The following TET3 variants were observed in gnomAD, a reference collection of about 807,000 sequenced individuals.
TET3 encodes methylcytosine dioxygenase TET3.
Under a neutral mutation model 141.4 loss-of-function variants are expected in TET3, and 19 were observed. The observed-to-expected ratio is 0.13, with a 90% CI of 0.09 to 0.20. The LOEUF is 0.20. TET3 is among the 10% of genes least tolerant of loss of function. The probability of loss-of-function intolerance (pLI) is 1.00; values close to 1 mark genes in which losing one functional copy is unlikely to be tolerated. For synonymous variants in TET3, 1,043 were observed against 980.9 expected, an observed-to-expected ratio of 1.06 and a Z score of -1.18; for missense variants, 1,874 against 2,356.9, an observed-to-expected ratio of 0.80 and a Z score of 4.24.
chr2:74,110,987 T>C (rs572870477), downstream of TET3, among the ~76,000 whole-genome samples: 1 of 152,252 alleles, frequency 6.6e-6, no homozygotes, highest in African/African-American at 2.4e-5. Flanking sequence ...ACCTCCTAGC[T>C]TGAAGGTCCA....
chr2:74,011,776 T>C (rs1685447819), intron 3 of TET3, among the ~76,000 whole-genome samples: 1 of 151,844 alleles, frequency 6.6e-6, no homozygotes, highest in African/African-American at 2.4e-5. Context: ...TGGTGGCTCA[T>C]GCCATAATCC....
intron 3 of TET3, among the ~76,000 whole-genome samples, chr2:74,041,254 A>C (rs1687323754): frequency 6.6e-6 from 1 of 152,194 alleles, no homozygotes; most frequent in Non-Finnish European, 1.5e-5. Context: ...AAGGCCACTC[A>C]AAACAAGTCT....
chr2:74,100,456 A>G lies in TET3; in HGVS notation c.3668A>G (p.Gln1223Arg), dbSNP rs773724099. 1.3e-6 allele frequency: 2 copies of G among 1,586,062 alleles called. No homozygotes were observed. Among genetic ancestry groups the G allele is most frequent in the East Asian group, 4.6e-5 (2 of 43,154 alleles). ...GLKPSLKVEP[Q>R]NHFSSFKYSG... is the part of the protein sequence containing the mutation. ...AAGCCCTCCCTCAAGGTGGAGCCGC[A>G]GAACCACTTCAGCTCCTTCAAGTAC... The change falls in exon 12 of 12, where the codon CAG becomes CGG. Residue 1223 changes from glutamine (Q) to arginine (R), a missense_variant. This residue lies in a region of TET3 where 602 missense variants were observed against 590.2 expected (regional missense o/e 1.02). Transcript: ENST00000409262.
At chr2:74,008,066 C>T (rs530505581) in intron 3 of TET3, among the ~76,000 whole-genome samples, 5 of 152,240 alleles carry the variant, frequency 3.3e-5, no homozygotes, top group Non-Finnish European at 5.9e-5. Context: ...AAGCAGTTTA[C>T]GGGCCATATC....
intron 3 of TET3, among the ~76,000 whole-genome samples, chr2:74,034,937 A>G (rs1686952157): frequency 6.6e-6 from 1 of 151,344 alleles, no homozygotes; most frequent in Non-Finnish European, 1.5e-5. Context: ...TATGCCTGTA[A>G]TCCCAGCACT....
intron 3 of TET3, among the ~76,000 whole-genome samples, chr2:74,036,009 T>A (rs1687036088): frequency 6.6e-6 from 1 of 152,128 alleles, no homozygotes; most frequent in Non-Finnish European, 1.5e-5. Flanking sequence ...AGAGTGAGAC[T>A]CTGTCTCAAA....
rs920080418 is a variant in TET3 at position 74,101,463 on chromosome 2, C to T, written c.4675C>T (p.Pro1559Ser). Residue 1559 changes from proline (P) to serine (S), a missense_variant, in exon 12 of 12, where the codon CCC (proline) becomes TCC (serine). Around this residue, in one of 10 missense-constraint regions of TET3, gnomAD observed 602 missense variants for 590.2 expected, o/e 1.02. Coordinates refer to ENST00000409262, the MANE Select transcript of TET3 (RefSeq NM_001287491.2). This position sits in a 1 kb window ranked among gnomAD's most constrained non-coding sequence, Gnocchi z 8.5. ...SPGFQDKLWN[P>S]MKGEEGRIPA... ...TGGGTTCCAAGACAAGCTGTGGAAC[C>T]CCATGAAAGGAGAGGAGGGCAGGAT... 6.8e-6 allele frequency: 11 copies of T among 1,613,610 alleles called. No homozygotes were observed. In the African/African-American group the frequency reaches 1.5e-4, roughly 22 times the overall value.
At chr2:74,028,335 A>G (rs963044231) in intron 3 of TET3, among the ~76,000 whole-genome samples, 1 of 151,200 alleles carries the variant, frequency 6.6e-6, no homozygotes. Flanking sequence ...AAAAGTTTTT[A>G]ATTTTGATGA....
At chr2:74,062,198 C>A (rs1348189885) in intron 4 of TET3, among the ~76,000 whole-genome samples, 1 of 152,232 alleles carries the variant, frequency 6.6e-6, no homozygotes, top group Admixed American at 6.5e-5. Context: ...GCTGGCGGAT[C>A]ACTCGCGGTT....
At chr2:73,988,070 T>G (rs1476943315) in intron 2 of TET3, among the ~76,000 whole-genome samples, 1 of 152,210 alleles carries the variant, frequency 6.6e-6, no homozygotes, top group Non-Finnish European at 1.5e-5. Flanking sequence ...TTCCCTTGTT[T>G]CTGGTTAAAG....
At chr2:74,125,813 GC>G in the TET3 span, among the ~76,000 whole-genome samples, 5 of 152,082 alleles carry the variant, frequency 3.3e-5, no homozygotes, top group Admixed American at 6.6e-5. Flanking sequence ...GGGATTACAG[GC>G]ATGAGCCACC....
Position 74,025,926 on chromosome 2 carries a change from A to G in TET3, c.361-20352A>G, listed in dbSNP as rs1174142554. Among the ~76,000 whole-genome samples the G allele has an allele frequency of 9.2e-5, 14 of 152,140 alleles. 1 individual carries two copies. The highest frequency in any genetic ancestry group is 6.5e-4 in the Admixed American group (10 of 15,272). On this transcript the variant is annotated intron_variant, in intron 3 of 11. Coordinates refer to ENST00000409262, the MANE Select transcript of TET3 (RefSeq NM_001287491.2). ...TGAGAGCAGCTTGGGCGACAGAGTG[A>G]GACCTCATCTCCAAAAAAAAATAAT...
rs1427971085 is a variant in TET3 at position 74,107,192 on chromosome 2, AG to A, written c.*5020del. ...GAGTGCACTCCGCGAGTGCGGGGGG[AG>A]GGGCGGCCCCCTCTGGTGCTCCCAG... is the stretch of plus-strand genomic sequence containing the variant. On this transcript the variant is annotated 3_prime_UTR_variant, in exon 12 of 12. Coordinates refer to ENST00000409262, the MANE Select transcript of TET3 (RefSeq NM_001287491.2). 3 of 152,272 alleles carry A rather than the reference AG, an allele frequency of 2.0e-5. No individual in the cohort carries two copies. Among genetic ancestry groups the A allele is most frequent in the African/African-American group, 7.2e-5 (3 of 41,452 alleles). 9.4% of individuals were successfully genotyped at this position (152,272 alleles called of 1,614,324 possible).
chr2:74,089,116 G>A (rs966166627), intron 7 of TET3, among the ~76,000 whole-genome samples: 21 of 145,178 alleles, frequency 1.4e-4, no homozygotes, highest in African/African-American at 5.3e-4. Context: ...ACATAGAACA[G>A]TTCCATCTTC....
intron 2 of TET3, among the ~76,000 whole-genome samples, chr2:73,996,664 C>T (rs997183783): frequency 6.6e-6 from 1 of 152,104 alleles, no homozygotes; most frequent in South Asian, 2.1e-4. Flanking sequence ...TGCACCACCA[C>T]ACCTGAATAA....
intron 4 of TET3, among the ~76,000 whole-genome samples, chr2:74,058,021 A>G (rs1688306521): frequency 6.6e-6 from 1 of 152,262 alleles, no homozygotes; most frequent in Admixed American, 6.5e-5. Flanking sequence ...AGTTGAAGAA[A>G]ACAGTCGCTA....
chr2:74,076,324 C>A (rs192917872), intron 5 of TET3, among the ~76,000 whole-genome samples: 1 of 151,902 alleles, frequency 6.6e-6, no homozygotes, highest in East Asian at 1.9e-4. Context: ...TAACAGATTG[C>A]AGTTCCATCT....
At chr2:74,099,822 C>T (rs1691068274) in intron 11 of TET3, among the ~76,000 whole-genome samples, 1 of 152,118 alleles carries the variant, frequency 6.6e-6, no homozygotes, top group Non-Finnish European at 1.5e-5. Flanking sequence ...TGGAAGTGAG[C>T]TTGGTAGAGG....
the TET3 span, among the ~76,000 whole-genome samples, chr2:74,114,830 G>T: frequency 1.7e-5 from 2 of 116,422 alleles, no homozygotes; most frequent in African/African-American, 7.3e-5. Flanking sequence ...CTCCAGCCTG[G>T]GTGACAGAGA....
Sources: allele counts gnomAD v4.1 joint callset (sites outside exome capture counted in the v4.1 genomes callset), GRCh38; gene constraint gnomAD v4.1.1; regional missense constraint gnomAD v4.1.1; non-coding constraint Gnocchi (gnomAD v3.1); transcripts MANE v1.5; gene names NCBI Gene and HGNC (gene_info 2026-07-23, HGNC 2026-07-21).